EDIL3: variants seen among roughly 807,000 people sequenced by gnomAD.
EDIL3 encodes EGF like and discoidin domains 3, also known as EGF-like repeat and discoidin I-like domain-containing protein 3.
Under a neutral mutation model 67.4 loss-of-function variants are expected in EDIL3, and 37 were observed. The observed-to-expected ratio is 0.55, with a 90% CI of 0.42 to 0.72. The LOEUF is 0.72. EDIL3 is among the 30% of genes least tolerant of loss of function. The probability of loss-of-function intolerance (pLI) is 0.00; values close to 1 mark genes in which losing one functional copy is unlikely to be tolerated. For missense variants in EDIL3, 527 were observed against 586.3 expected (o/e 0.90, Z 1.04); for synonymous variants, 195 against 196.3 (o/e 0.99, Z 0.05).
intron 1 of EDIL3, among the ~76,000 whole-genome samples, chr5:84,292,290 T>A (rs1013599575): frequency 1.3e-5 from 2 of 152,152 alleles, no homozygotes; most frequent in Non-Finnish European, 2.9e-5. Flanking sequence ...CACTGATGAT[T>A]TTTTTTAAAT....
At chr5:84,368,627 T>C (rs893286565) in intron 1 of EDIL3, among the ~76,000 whole-genome samples, 6 of 151,974 alleles carry the variant, frequency 3.9e-5, no homozygotes, top group East Asian at 1.9e-4. Flanking sequence ...AATAAGCAAA[T>C]TGGACTTATA....
chr5:84,081,096 T>G (rs1164866077), intron 6 of EDIL3, among the ~76,000 whole-genome samples: 1 of 152,230 alleles, frequency 6.6e-6, no homozygotes, highest in Non-Finnish European at 1.5e-5. Flanking sequence ...TTACACAGCA[T>G]GTAACAGGAG....
intron 3 of EDIL3, among the ~76,000 whole-genome samples, chr5:84,190,572 T>TGA (rs1743562543): frequency 1.6e-5 from 1 of 62,084 alleles, no homozygotes; most frequent in African/African-American, 7.0e-5. Flanking sequence ...TGTGTGTGTG[T>TGA]GTGTGTGTAT....
At chr5:84,378,123 C>A (rs1748004428) in intron 1 of EDIL3, among the ~76,000 whole-genome samples, 1 of 152,104 alleles carries the variant, frequency 6.6e-6, no homozygotes, top group South Asian at 2.1e-4. Context: ...TTTTAAAATA[C>A]CAACATTTTA....
intron 1 of EDIL3, among the ~76,000 whole-genome samples, chr5:84,376,900 T>A (rs1414786911): frequency 6.6e-6 from 1 of 152,252 alleles, no homozygotes; most frequent in East Asian, 1.9e-4. Context: ...GGTTTTTGTT[T>A]GTCTGTAAAC....
intron 1 of EDIL3, among the ~76,000 whole-genome samples, chr5:84,326,937 G>A (rs1746771110): frequency 6.6e-6 from 1 of 151,368 alleles, no homozygotes. Flanking sequence ...ATTTTTAGAT[G>A]TACCCTCCTC....
chr5:84,121,542 T>TCGATCG (rs1561437564), intron 5 of EDIL3, among the ~76,000 whole-genome samples: 64 of 30,794 alleles, frequency 2.1e-3, no homozygotes, highest in African/African-American at 5.0e-3. Context: ...TAGATCGATC[T>TCGATCG]ATCTATCTAT....
chr5:84,169,029 C>T (rs1402644003), intron 4 of EDIL3, among the ~76,000 whole-genome samples: 1 of 152,060 alleles, frequency 6.6e-6, no homozygotes, highest in Non-Finnish European at 1.5e-5. Flanking sequence ...GGATTCAATA[C>T]TTGCTAATCC....
At chr5:84,195,567 C>T (rs545073923) in intron 3 of EDIL3, among the ~76,000 whole-genome samples, 7 of 152,024 alleles carry the variant, frequency 4.6e-5, no homozygotes, top group African/African-American at 1.7e-4. Flanking sequence ...AACGTGTACA[C>T]TTGGTAATTT....
At chr5:84,338,072 C>T (rs1472173168) in intron 1 of EDIL3, among the ~76,000 whole-genome samples, 4 of 152,026 alleles carry the variant, frequency 2.6e-5, no homozygotes, top group Non-Finnish European at 4.4e-5. Flanking sequence ...AAAATGTAAA[C>T]TTTAGATTTA....
intron 4 of EDIL3, among the ~76,000 whole-genome samples, chr5:84,161,799 T>A (rs1748617719): frequency 6.6e-6 from 1 of 152,122 alleles, no homozygotes; most frequent in South Asian, 2.1e-4. Context: ...CAATGGAAAC[T>A]CTCTTATGGG....
At chr5:84,005,591 T>C (rs184074525) in intron 9 of EDIL3, among the ~76,000 whole-genome samples, 111 of 152,218 alleles carry the variant, frequency 7.3e-4, no homozygotes, top group Non-Finnish European at 1.2e-3. Context: ...ATCACCTCAA[T>C]AGATGCAGAA....
At chr5:84,240,264 C>T (rs1259354746) in intron 2 of EDIL3, among the ~76,000 whole-genome samples, 1 of 152,072 alleles carries the variant, frequency 6.6e-6, no homozygotes, top group Non-Finnish European at 1.5e-5. Flanking sequence ...TGAGGTAGTA[C>T]TTAAATGCTG....
chr5:83,998,539 C>G (rs1217467637), intron 9 of EDIL3, among the ~76,000 whole-genome samples: 1 of 152,052 alleles, frequency 6.6e-6, no homozygotes, highest in African/African-American at 2.4e-5. Context: ...GGGAGAGACT[C>G]CTGCTTGAGG....
chr5:84,201,125 T>C (rs537903681), intron 3 of EDIL3, among the ~76,000 whole-genome samples: 1 of 152,174 alleles, frequency 6.6e-6, no homozygotes, highest in Non-Finnish European at 1.5e-5. Flanking sequence ...CACAAATATA[T>C]GCCACTTGAG....
chr5:84,209,803 A>G (rs970785439), intron 3 of EDIL3, among the ~76,000 whole-genome samples: 3 of 152,168 alleles, frequency 2.0e-5, no homozygotes, highest in Non-Finnish European at 4.4e-5. Context: ...AATGAAAGAA[A>G]TTCTGTAAAA....
chr5:84,215,455 T>C (rs1744210042), intron 3 of EDIL3, among the ~76,000 whole-genome samples: 1 of 152,142 alleles, frequency 6.6e-6, no homozygotes, highest in Non-Finnish European at 1.5e-5. Context: ...GGCTTCACTG[T>C]GTTAGCCAGG....
At chr5:84,249,003 A>C (rs1466559284) in intron 2 of EDIL3, among the ~76,000 whole-genome samples, 1 of 152,100 alleles carries the variant, frequency 6.6e-6, no homozygotes, top group Non-Finnish European at 1.5e-5. Context: ...TCTTAGTAAA[A>C]AGTTGAAATT....
chr5:83,950,310 C>A (rs955814380), intron 10 of EDIL3, among the ~76,000 whole-genome samples: 1 of 151,716 alleles, frequency 6.6e-6, no homozygotes, highest in African/African-American at 2.4e-5. Flanking sequence ...TGTGAATGTG[C>A]AATTGATGTC....
Sources: gnomAD v4.1 joint callset for allele counts (sites outside exome capture counted in the v4.1 genomes callset) on GRCh38, gnomAD v4.1.1 for gene constraint, MANE v1.5 for transcripts, NCBI Gene and HGNC (gene_info 2026-07-23, HGNC 2026-07-21) for gene names.